ESYT2: variants seen among roughly 807,000 people sequenced by gnomAD.
The protein encoded by ESYT2 is extended synaptotagmin-2.
ESYT2 carries 54 observed loss-of-function variants against 107.2 expected under a neutral mutation model. The ratio of observed to expected loss-of-function variants is 0.50; its 90% CI spans 0.40 to 0.63. The LOEUF is 0.63. ESYT2 is among the 30% of genes least tolerant of loss of function. ESYT2 has a pLI of 0.00. For missense variants in ESYT2, 1,020 were observed against 1,094.5 expected (o/e 0.93, Z 0.96); for synonymous variants, 491 against 434.1 (o/e 1.13, Z -1.63).
intron 6 of ESYT2, among the ~76,000 whole-genome samples, chr7:158,780,744 G>T (rs551205091): frequency 4.6e-5 from 7 of 152,302 alleles, no homozygotes; most frequent in Admixed American, 2.0e-4. Context: ...CGGAAGGAAA[G>T]GACTCAGCTG....
rs1839560404 is a variant in ESYT2, at chr7:158,799,177, A to T, written c.331-105T>A. The T allele has an allele frequency of 3.9e-6, 4 of 1,020,860 alleles. No individual in the cohort carries two copies. In the South Asian group the frequency reaches 5.9e-5, roughly 15 times the overall value. 63.2% of individuals were successfully genotyped at this position (1,020,860 alleles called of 1,614,324 possible). On this transcript the variant is annotated intron_variant, in intron 1 of 22. Coordinates refer to ENST00000275418, the MANE Select transcript of ESYT2 (RefSeq NM_001367773.1). ...TCATCATACGTCCTATGTTTACAAG[A>T]TGCTTCTTTAAAACACTCTGCTCTA...
At chr7:158,826,801 C>T (rs577786426) in intron 1 of ESYT2, among the ~76,000 whole-genome samples, 76 of 110,706 alleles carry the variant, frequency 6.9e-4, no homozygotes, top group African/African-American at 2.7e-3. Flanking sequence ...AGCCTGGCAA[C>T]AGAGCGAGAT....
intron 11 of ESYT2, among the ~76,000 whole-genome samples, chr7:158,760,842 G>A (rs1465478449): frequency 2.0e-5 from 3 of 152,202 alleles, no homozygotes; most frequent in African/African-American, 4.8e-5. Flanking sequence ...TCCATCCAGT[G>A]CCTGGCACAC....
At chr7:158,734,616 T>C (rs906190343) in intron 21 of ESYT2, 145 bp from the exon 22 acceptor site, 27 of 695,560 alleles carry the variant, frequency 3.9e-5, no homozygotes, top group Non-Finnish European at 6.2e-5. Flanking sequence ...TAGTGAAACC[T>C]TGTCTCTATT....
rs59980573 is a variant in ESYT2 at position 158,741,690 on chromosome 7, G to C, written c.2001C>G (p.Pro667=). Residue 667 remains proline (P), a synonymous_variant, in exon 18 of 23, where the codon CCC becomes CCG. Transcript: ENST00000275418. The part of the protein sequence containing the change: ...DKPGMEEKAQ[P]PEAGPQGLHD... ...GCAGCCCCTGAGGGCCGGCCTCAGG[G>C]GGCTGGGCCTTTTCTTCCATACCAG... 0.18 allele frequency: 295,537 copies of C among 1,613,506 alleles called. 32,862 individuals carry two copies. Among genetic ancestry groups the C allele is most frequent in the East Asian group, 0.56 (25,094 of 44,770 alleles).
At chr7:158,808,522 G>T (rs546890046) in intron 1 of ESYT2, among the ~76,000 whole-genome samples, 1 of 152,218 alleles carries the variant, frequency 6.6e-6, no homozygotes, top group Non-Finnish European at 1.5e-5. Context: ...GAAAGTTCTC[G>T]ACTTACTAAG....
rs1840329429 is a variant in ESYT2 at position 158,823,019 on chromosome 7, A to G, written c.330+6070T>C. 5.3e-5 allele frequency among the ~76,000 whole-genome samples: 8 copies of G among 151,806 alleles called. No individual in the cohort carries two copies. The South Asian group carries it at 1.7e-3, about 32-fold the overall frequency. On this transcript the variant is annotated intron_variant, in intron 1 of 22. Coordinates refer to ENST00000275418, the MANE Select transcript of ESYT2 (RefSeq NM_001367773.1). ...TTATTAAAAGAAATTCAGGCCAGGC[A>G]TGGTGGCTCACGCCTGTAATCCTAG...
chr7:158,734,000 C>T lies in ESYT2; in HGVS notation c.*207G>A, dbSNP rs529706533. 7.1e-5 allele frequency: 42 copies of T among 592,224 alleles called. No individual in the cohort carries two copies. Among genetic ancestry groups the T allele is most frequent in the Admixed American group, 6.1e-5 (2 of 32,592 alleles). 36.7% of individuals were successfully genotyped at this position (592,224 alleles called of 1,614,324 possible). The stretch of plus-strand genomic sequence containing the variant: ...CCCTACTGCACGTTGTAGGAACTGG[C>T]GAAATCCTAGAGGAAATCCAACACA... On this transcript the variant is annotated 3_prime_UTR_variant, in exon 23 of 23. Coordinates refer to ENST00000275418, the MANE Select transcript of ESYT2 (RefSeq NM_001367773.1).
chr7:158,759,340 A>G (rs372446690), intron 13 of ESYT2, 146 bp downstream of exon 13: 15 of 573,348 alleles, frequency 2.6e-5, no homozygotes, highest in African/African-American at 2.6e-4. Flanking sequence ...CTCCCTCTCC[A>G]CTGCCACTCT....
chr7:158,807,910 G>C (rs1839879537), intron 1 of ESYT2, among the ~76,000 whole-genome samples: 1 of 152,236 alleles, frequency 6.6e-6, no homozygotes, highest in African/African-American at 2.4e-5. Context: ...TATGAGCTGA[G>C]GCTTGCTGCC....
chr7:158,781,305 GAACAAC>G (rs1838788959), intron 6 of ESYT2, among the ~76,000 whole-genome samples: 1 of 151,756 alleles, frequency 6.6e-6, no homozygotes, highest in East Asian at 1.9e-4. Flanking sequence ...CGGTGTGTGA[GAACAAC>G]TGTGAGAGTG....
intron 13 of ESYT2, among the ~76,000 whole-genome samples, chr7:158,755,244 C>G (rs191141604): frequency 1.2e-4 from 19 of 152,334 alleles, no homozygotes; most frequent in African/African-American, 4.6e-4. Context: ...CCAGTGACAG[C>G]AAGGCTCTCA....
At chr7:158,800,141 C>T (rs952864197) in intron 1 of ESYT2, among the ~76,000 whole-genome samples, 36 of 151,674 alleles carry the variant, frequency 2.4e-4, no homozygotes, top group Admixed American at 2.2e-3. Flanking sequence ...CTCCGCCTCC[C>T]GGGTTCAAGT....
chr7:158,829,030 G>T, intron 1 of ESYT2, 59 bp downstream of exon 1: 1 of 1,550,894 alleles, frequency 6.4e-7, no homozygotes. Flanking sequence ...TGCCTGCCTG[G>T]ACGAGGGGAG....
intron 19 of ESYT2, 73 bp from the exon 20 acceptor site, chr7:158,737,252 CT>C (rs1372764796): frequency 6.6e-7 from 1 of 1,513,384 alleles, no homozygotes; most frequent in Non-Finnish European, 9.0e-7. Context: ...TTCAGATATG[CT>C]TTATCAAGCT....
intron 1 of ESYT2, among the ~76,000 whole-genome samples, chr7:158,819,407 T>C (rs1840231049): frequency 6.6e-6 from 1 of 152,220 alleles, no homozygotes; most frequent in Admixed American, 6.5e-5. Flanking sequence ...TTATATCATA[T>C]CTCACAATCT....
chr7:158,801,235 C>T (rs1839634477), intron 1 of ESYT2, among the ~76,000 whole-genome samples: 1 of 151,910 alleles, frequency 6.6e-6, no homozygotes, highest in African/African-American at 2.4e-5. Flanking sequence ...TATAAGTGAA[C>T]TGGCTTGTAT....
At chr7:158,748,087 T>C in intron 16 of ESYT2, 107 bp downstream of exon 16, 1 of 973,032 alleles carries the variant, frequency 1.0e-6, no homozygotes, top group South Asian at 1.5e-5. Context: ...GTCCTGATTC[T>C]GGCGATGGAT....
At chr7:158,782,569 G>A (rs539890661) in intron 6 of ESYT2, among the ~76,000 whole-genome samples, 80 of 140,524 alleles carry the variant, frequency 5.7e-4, no homozygotes, top group African/African-American at 1.9e-3. Flanking sequence ...GAAAGTGGGA[G>A]TGTGAGAACA....
Sources: allele counts gnomAD v4.1 joint callset (sites outside exome capture counted in the v4.1 genomes callset), GRCh38; gene constraint gnomAD v4.1.1; transcripts MANE v1.5; gene names NCBI Gene and HGNC (gene_info 2026-07-23, HGNC 2026-07-21).